Variants in SV2C observed in about 807,000 individuals in gnomAD.
SV2C encodes the protein synaptic vesicle glycoprotein 2C, also known as solute carrier family 22 member B3.
Under a neutral mutation model 79.7 loss-of-function variants are expected in SV2C, and 49 were observed. That is an observed-to-expected ratio of 0.61 (90% CI 0.49 to 0.78). The LOEUF (loss-of-function observed/expected upper bound fraction) is 0.78, where lower values mean the gene tolerates loss of function less well. Among genes scored for constraint, SV2C ranks in the 30% least tolerant of loss-of-function variants. The pLI is 0.00. For missense variants in SV2C, 833 were observed against 912.9 expected (o/e 0.91, Z 1.13); for synonymous variants, 334 against 333.2 (o/e 1.00, Z -0.03).
rs1749156946 is a variant in SV2C, at chr5:76,330,757, C to A, written c.*5210C>A. The A allele has an allele frequency of 6.7e-6, 1 of 149,648 alleles. No individual in the cohort carries two copies. The highest frequency in any genetic ancestry group is 1.5e-5 in the Non-Finnish European group (1 of 67,670). The allele number at this position is 149,648 out of a possible 1,614,324, so 9.3% of individuals were successfully genotyped here. ...AAAATGAAACCACACATAAGTTGTTCCCTTAAATAATCTCAGCAGGATATT... is the reference window on the plus strand; with the variant it reads ...AAAATGAAACCACACATAAGTTGTTACCTTAAATAATCTCAGCAGGATATT... On this transcript the variant is annotated 3_prime_UTR_variant, in exon 13 of 13. Coordinates refer to ENST00000502798, the MANE Select transcript of SV2C (RefSeq NM_014979.4).
intron 1 of SV2C, among the ~76,000 whole-genome samples, chr5:76,097,429 C>T (rs258620): frequency 0.53 from 80,557 of 151,972 alleles, 21,957 homozygotes; most frequent in East Asian, 0.73. Context: ...ATTAAGTTGC[C>T]AATAAGCACA....
rs751358005 is a variant in SV2C at position 76,209,788 on chromosome 5, C to T, written c.814C>T (p.Arg272Trp). The T allele has an allele frequency of 1.5e-5, 25 of 1,614,072 alleles. No individual in the cohort carries two copies. The highest frequency in any genetic ancestry group is 4.5e-5 in the East Asian group (2 of 44,894). ...CTCGTACTTTGCTGAAGTCCTGGCC[C>T]GGGAAAAGCGGGGCGAACACTTGAG... Reference protein sequence around the residue: ...VFSYFAEVLAREKRGEHLSWL... With the variant: ...VFSYFAEVLAWEKRGEHLSWL... Residue 272 changes from arginine (R) to tryptophan (W), a missense_variant, in exon 4 of 13, where the codon CGG (arginine) becomes TGG (tryptophan). Arg to Trp is a moderately radical substitution (Grantham distance 101, BLOSUM62 -3). Coordinates refer to ENST00000502798, the MANE Select transcript of SV2C (RefSeq NM_014979.4).
At chr5:75,870,500 T>A in the SV2C span, among the ~76,000 whole-genome samples, 1 of 151,816 alleles carries the variant, frequency 6.6e-6, no homozygotes, top group Non-Finnish European at 1.5e-5. Context: ...AAATGAAGCA[T>A]GCCTATAGGA....
the SV2C span, among the ~76,000 whole-genome samples, chr5:75,981,453 C>G: frequency 7.2e-5 from 11 of 152,100 alleles, no homozygotes; most frequent in African/African-American, 2.4e-4. Context: ...CATCACACTA[C>G]CCAACTTCAA....
chr5:76,137,527 T>C (rs1256443421), intron 2 of SV2C, among the ~76,000 whole-genome samples: 1 of 151,940 alleles, frequency 6.6e-6, no homozygotes, highest in Non-Finnish European at 1.5e-5. Flanking sequence ...GATGTGAGAT[T>C]CTGAAAAGGG....
rs58317002 is a variant in SV2C at position 76,183,030 on chromosome 5, A to ATCTTT, written c.581-11888_581-11887insCTTTT. The stretch of plus-strand genomic sequence containing the variant: ...TGACCACATCTCATGAGAACCTACC[A>ATCTTT]TTTTTTTTTTTTTTTTTTTTTTTGA... On this transcript the variant is annotated intron_variant, in intron 2 of 12. Transcript: ENST00000502798. Among the ~76,000 whole-genome samples the ATCTTT allele has an allele frequency of 9.1e-4, 93 of 102,054 alleles. 9 individuals carry two copies. The highest frequency in any genetic ancestry group is 9.0e-4 in the Non-Finnish European group (50 of 55,418). The allele number at this position is 102,054 out of a possible 152,430, so 67.0% of individuals were successfully genotyped here. A position where few individuals can be genotyped will look rare whatever the true frequency, so the allele number is the denominator to read the frequency against.
the SV2C span, among the ~76,000 whole-genome samples, chr5:76,044,363 A>G: frequency 3.3e-5 from 5 of 152,180 alleles, no homozygotes; most frequent in Admixed American, 1.3e-4. Flanking sequence ...TAGTGCTGCA[A>G]TGAACATACA....
chr5:76,339,926 AG>A (rs1347553938), intron 12 of SV2C, among the ~76,000 whole-genome samples: 1 of 152,106 alleles, frequency 6.6e-6, no homozygotes, highest in Admixed American at 6.5e-5. Context: ...AGGCATTCTA[AG>A]TCACAGGATG....
the SV2C span, among the ~76,000 whole-genome samples, chr5:76,044,990 C>T: frequency 2.6e-5 from 4 of 151,996 alleles, no homozygotes; most frequent in African/African-American, 7.3e-5. Flanking sequence ...AATCTTTGCC[C>T]CTGCCTATAT....
chr5:76,315,416 A>G (rs557794762), intron 12 of SV2C, among the ~76,000 whole-genome samples: 40 of 152,288 alleles, frequency 2.6e-4, no homozygotes, highest in South Asian at 2.5e-3. Context: ...GACTTCCAAC[A>G]TATTTGGAAG....
intron 9 of SV2C, among the ~76,000 whole-genome samples, chr5:76,298,137 A>G (rs903798208): frequency 1.3e-5 from 2 of 152,188 alleles, no homozygotes; most frequent in Non-Finnish European, 2.9e-5. Context: ...TGTTTCCAAA[A>G]ATAAGCAGAG....
the SV2C span, among the ~76,000 whole-genome samples, chr5:75,997,709 G>C: frequency 5.3e-5 from 8 of 152,210 alleles, no homozygotes; most frequent in Non-Finnish European, 1.0e-4. Context: ...TGGAGAGGAT[G>C]TGGAGAAATA....
chr5:75,875,013 A>G, the SV2C span, among the ~76,000 whole-genome samples: 8 of 152,290 alleles, frequency 5.3e-5, no homozygotes. Context: ...TGCTATTCCT[A>G]TTGAACTACC....
intron 3 of SV2C, among the ~76,000 whole-genome samples, chr5:76,205,622 A>G (rs1331892477): frequency 1.3e-5 from 2 of 152,260 alleles, no homozygotes; most frequent in Non-Finnish European, 2.9e-5. Flanking sequence ...TAGCTAACTG[A>G]TCATTCTATA....
the SV2C span, among the ~76,000 whole-genome samples, chr5:75,930,237 C>T: frequency 2.7e-3 from 418 of 152,104 alleles, 2 homozygotes; most frequent in African/African-American, 9.7e-3. Context: ...ATATTATTGT[C>T]AGGTGCAGCG....
chr5:75,906,179 T>G, the SV2C span, among the ~76,000 whole-genome samples: 1 of 152,090 alleles, frequency 6.6e-6, no homozygotes, highest in Non-Finnish European at 1.5e-5. Context: ...AAGGCTTCTC[T>G]CAGAGTCTCC....
At chr5:75,967,646 G>T in the SV2C span, among the ~76,000 whole-genome samples, 1 of 152,226 alleles carries the variant, frequency 6.6e-6, no homozygotes, top group African/African-American at 2.4e-5. Context: ...CATTGCCGAG[G>T]CTTCAGTAGA....
chr5:76,160,854 G>A (rs1268654059), intron 2 of SV2C, among the ~76,000 whole-genome samples: 1 of 152,182 alleles, frequency 6.6e-6, no homozygotes, highest in Non-Finnish European at 1.5e-5. Flanking sequence ...CCCTAGGATG[G>A]CTTGAATCAG....
the SV2C span, among the ~76,000 whole-genome samples, chr5:75,980,116 G>A: frequency 6.6e-6 from 1 of 152,112 alleles, no homozygotes; most frequent in Admixed American, 6.6e-5. Context: ...AGAAAATCTA[G>A]AAGAAATGGA....
Sources: gnomAD v4.1 joint callset for allele counts (sites outside exome capture counted in the v4.1 genomes callset) on GRCh38, gnomAD v4.1.1 for gene constraint, MANE v1.5 for transcripts, NCBI Gene and HGNC (gene_info 2026-07-23, HGNC 2026-07-21) for gene names.